Variants in KCNIP4 observed in about 807,000 individuals in gnomAD.
KCNIP4 encodes Kv channel-interacting protein 4.
Under a neutral mutation model 34.0 loss-of-function variants are expected in KCNIP4, and 12 were observed. The observed-to-expected ratio is 0.35, with a 90% CI of 0.23 to 0.57. KCNIP4 has a LOEUF of 0.57. Ranked by LOEUF, KCNIP4 falls within the 20% of genes least tolerant of loss-of-function variation. KCNIP4 has a pLI of 0.83. For synonymous variants in KCNIP4, 124 were observed against 102.2 expected, an observed-to-expected ratio of 1.21 and a Z score of -1.29; for missense variants, 238 against 311.7, an observed-to-expected ratio of 0.76 and a Z score of 1.78.
chr4:21,317,585 G>A (rs1480102880), intron 1 of KCNIP4, among the ~76,000 whole-genome samples: 1 of 152,152 alleles, frequency 6.6e-6, no homozygotes, highest in African/African-American at 2.4e-5. Context: ...TAGAAAGTGT[G>A]CATATTTATC....
intron 2 of KCNIP4, among the ~76,000 whole-genome samples, chr4:20,880,929 A>G (rs1199094367): frequency 6.6e-6 from 1 of 152,194 alleles, no homozygotes; most frequent in Non-Finnish European, 1.5e-5. Flanking sequence ...AATCACAGCA[A>G]TGTATCTAAA....
intron 1 of KCNIP4, among the ~76,000 whole-genome samples, chr4:20,957,848 C>T (rs1733471667): frequency 6.6e-6 from 1 of 152,096 alleles, no homozygotes; most frequent in Non-Finnish European, 1.5e-5. Context: ...GTATAATTTG[C>T]ATATGTTATA....
chr4:21,312,572 G>A (rs13108412), intron 1 of KCNIP4, among the ~76,000 whole-genome samples: 9,904 of 152,216 alleles, frequency 0.065, 394 homozygotes, highest in Middle Eastern at 0.12. Context: ...ATAGACGGGG[G>A]TTCCTTCGGT....
At chr4:21,403,889 C>G (rs765451654) in intron 1 of KCNIP4, among the ~76,000 whole-genome samples, 2 of 152,258 alleles carry the variant, frequency 1.3e-5, no homozygotes, top group Middle Eastern at 3.4e-3. Context: ...TTCTTTTATA[C>G]GAGCACTAAT....
At chr4:21,250,120 C>CT (rs1553846387) in intron 1 of KCNIP4, among the ~76,000 whole-genome samples, 39 of 143,346 alleles carry the variant, frequency 2.7e-4, no homozygotes, top group Admixed American at 5.6e-4. Flanking sequence ...TCATTTCTTT[C>CT]TTTTTTTTTT....
chr4:20,902,198 G>A (rs1019166788), intron 1 of KCNIP4, among the ~76,000 whole-genome samples: 5 of 152,118 alleles, frequency 3.3e-5, no homozygotes, highest in African/African-American at 1.2e-4. Context: ...CCCTTCTAGG[G>A]TTGATACACT....
At chr4:21,560,251 C>T (rs1739405957) in intron 1 of KCNIP4, among the ~76,000 whole-genome samples, 2 of 152,016 alleles carry the variant, frequency 1.3e-5, no homozygotes, top group South Asian at 2.1e-4. Context: ...AGGGCCATTC[C>T]AATTGTAAAA....
intron 1 of KCNIP4, among the ~76,000 whole-genome samples, chr4:21,155,455 G>T (rs1168073206): frequency 6.6e-6 from 1 of 152,194 alleles, no homozygotes; most frequent in Non-Finnish European, 1.5e-5. Flanking sequence ...TCTCTGGAGG[G>T]TATGGAAAGA....
intron 1 of KCNIP4, among the ~76,000 whole-genome samples, chr4:21,868,757 T>A (rs540671815): frequency 6.6e-6 from 1 of 152,154 alleles, no homozygotes; most frequent in Non-Finnish European, 1.5e-5. Flanking sequence ...GGAAATACAA[T>A]TTAGAAAACA....
intron 1 of KCNIP4, among the ~76,000 whole-genome samples, chr4:21,798,403 A>T (rs1397738132): frequency 2.9e-5 from 1 of 33,984 alleles, no homozygotes; most frequent in Non-Finnish European, 5.1e-5. Flanking sequence ...ACAAAAAAAT[A>T]CATATATATA....
intron 1 of KCNIP4, among the ~76,000 whole-genome samples, chr4:21,424,701 G>T (rs1725793290): frequency 6.6e-6 from 1 of 152,148 alleles, no homozygotes; most frequent in African/African-American, 2.4e-5. Flanking sequence ...CAAAACCTAA[G>T]ATTTATAAAA....
At chr4:21,281,099 T>C (rs1322552253) in intron 1 of KCNIP4, among the ~76,000 whole-genome samples, 1 of 150,822 alleles carries the variant, frequency 6.6e-6, no homozygotes, top group Non-Finnish European at 1.5e-5. Flanking sequence ...TTTTTTTTTT[T>C]TTTTTGAGAT....
At chr4:21,379,078 C>A (rs754122381) in intron 1 of KCNIP4, among the ~76,000 whole-genome samples, 9 of 152,152 alleles carry the variant, frequency 5.9e-5, no homozygotes, top group Non-Finnish European at 1.3e-4. Flanking sequence ...AGATTTTTTT[C>A]TTAATTTACA....
chr4:21,337,701 G>GA (rs536806882), intron 1 of KCNIP4, among the ~76,000 whole-genome samples: 110 of 152,132 alleles, frequency 7.2e-4, no homozygotes, highest in African/African-American at 2.6e-3. Flanking sequence ...TGAGAATTTT[G>GA]AAAAAGATAA....
chr4:21,348,721 C>T (rs1717708551), intron 1 of KCNIP4, among the ~76,000 whole-genome samples: 2 of 152,182 alleles, frequency 1.3e-5, no homozygotes, highest in Non-Finnish European at 2.9e-5. Flanking sequence ...TGATATTTTA[C>T]TTATTCATTA....
At chr4:21,401,246 G>C (rs1027157491) in intron 1 of KCNIP4, among the ~76,000 whole-genome samples, 1 of 152,144 alleles carries the variant, frequency 6.6e-6, no homozygotes, top group Admixed American at 6.5e-5. Flanking sequence ...GAGTACCAGG[G>C]GGAAATATAC....
At chr4:21,570,073 C>T (rs1435705940) in intron 1 of KCNIP4, among the ~76,000 whole-genome samples, 1 of 152,068 alleles carries the variant, frequency 6.6e-6, no homozygotes, top group Non-Finnish European at 1.5e-5. Flanking sequence ...GAGAGGGAGA[C>T]CCAACCTGGA....
intron 1 of KCNIP4, among the ~76,000 whole-genome samples, chr4:21,905,051 A>G (rs560645413): frequency 1.3e-5 from 2 of 152,334 alleles, no homozygotes; most frequent in East Asian, 1.9e-4. Context: ...AATATTATGC[A>G]TAAGCATTGG....
chr4:21,552,475 T>A (rs937859884), intron 1 of KCNIP4, among the ~76,000 whole-genome samples: 1 of 152,130 alleles, frequency 6.6e-6, no homozygotes, highest in Non-Finnish European at 1.5e-5. Context: ...TAAAAAGTAA[T>A]CATCCCAAGA....
Sources: gnomAD v4.1 joint callset for allele counts (sites outside exome capture counted in the v4.1 genomes callset) on GRCh38, gnomAD v4.1.1 for gene constraint, MANE v1.5 for transcripts, NCBI Gene and HGNC (gene_info 2026-07-23, HGNC 2026-07-21) for gene names.